Variants in TAS2R1 observed in about 807,000 individuals in gnomAD.
The protein encoded by TAS2R1 is taste 2 receptor member 1, also known as taste receptor type 2 member 1.
For missense variants in TAS2R1, 370 were observed against 353.4 expected (o/e 1.05, Z -0.38); for synonymous variants, 141 against 134.2 (o/e 1.05, Z -0.35).
intron 1 of TAS2R1, among the ~76,000 whole-genome samples, chr5:9,694,334 A>T (rs534662372): frequency 2.0e-5 from 3 of 152,234 alleles, no homozygotes; most frequent in Non-Finnish European, 4.4e-5. Flanking sequence ...CGTAGTTACA[A>T]ATCAAACAAG....
At chr5:9,845,067 T>C in the TAS2R1 span, among the ~76,000 whole-genome samples, 1 of 152,184 alleles carries the variant, frequency 6.6e-6, no homozygotes, top group Non-Finnish European at 1.5e-5. Context: ...AATTCCTACA[T>C]TGAAGCCCTA....
the TAS2R1 span, among the ~76,000 whole-genome samples, chr5:9,838,269 C>A: frequency 6.6e-6 from 1 of 152,188 alleles, no homozygotes. Context: ...CCCGTCTCTG[C>A]ACCTCTAGTC....
chr5:9,810,991 C>T, the TAS2R1 span, among the ~76,000 whole-genome samples: 585 of 152,278 alleles, frequency 3.8e-3, 6 homozygotes, highest in African/African-American at 0.013. Context: ...CATGACCTCA[C>T]GTGGATGTTC....
At chr5:9,756,518 T>A in the TAS2R1 span, among the ~76,000 whole-genome samples, 6 of 152,212 alleles carry the variant, frequency 3.9e-5, no homozygotes, top group Admixed American at 2.0e-4. Context: ...AGGTTAAGCA[T>A]CTCTTCTAAT....
chr5:9,835,015 C>A, the TAS2R1 span, among the ~76,000 whole-genome samples: 1 of 152,176 alleles, frequency 6.6e-6, no homozygotes, highest in African/African-American at 2.4e-5. Flanking sequence ...TGCCCAGCAA[C>A]AGGTTAGAAA....
the TAS2R1 span, among the ~76,000 whole-genome samples, chr5:9,821,613 C>A: frequency 6.6e-6 from 1 of 152,106 alleles, no homozygotes; most frequent in African/African-American, 2.4e-5. Context: ...CAAAGAGATG[C>A]AAGATGCTAT....
chr5:9,746,430 G>T, the TAS2R1 span, among the ~76,000 whole-genome samples: 1 of 152,122 alleles, frequency 6.6e-6, no homozygotes, highest in African/African-American at 2.4e-5. Context: ...ATACCCAAAG[G>T]ATTATAAATC....
chr5:9,650,541 C>A (rs991509503), intron 2 of TAS2R1, among the ~76,000 whole-genome samples: 1 of 152,152 alleles, frequency 6.6e-6, no homozygotes, highest in Non-Finnish European at 1.5e-5. Flanking sequence ...ACACAGCACA[C>A]CAAGGCCAGG....
the TAS2R1 span, among the ~76,000 whole-genome samples, chr5:9,810,994 G>T: frequency 6.6e-6 from 1 of 152,100 alleles, no homozygotes; most frequent in Non-Finnish European, 1.5e-5. Context: ...GACCTCACGT[G>T]GATGTTCCTT....
chr5:9,780,691 GCGCGCGCGCGCGCA>G, the TAS2R1 span, among the ~76,000 whole-genome samples: 1 of 146,670 alleles, frequency 6.8e-6, no homozygotes, highest in Non-Finnish European at 1.5e-5. Flanking sequence ...GTGTGTGTGT[GCGCGCGCGCGCGCA>G]TGCACGCACA....
chr5:9,643,069 A>T (rs1042202580), intron 2 of TAS2R1, among the ~76,000 whole-genome samples: 5 of 147,378 alleles, frequency 3.4e-5, no homozygotes, highest in Non-Finnish European at 7.5e-5. Context: ...TCCCTCCCAT[A>T]CCCCAGCACA....
chr5:9,750,514 C>T, the TAS2R1 span, among the ~76,000 whole-genome samples: 17 of 152,106 alleles, frequency 1.1e-4, no homozygotes, highest in African/African-American at 4.1e-4. Flanking sequence ...AAGTTTAATC[C>T]TCTCAATTAC....
the TAS2R1 span, among the ~76,000 whole-genome samples, chr5:9,813,021 C>T: frequency 6.6e-6 from 1 of 152,070 alleles, no homozygotes; most frequent in African/African-American, 2.4e-5. Context: ...AATCCTAACC[C>T]CTGTTGAGGA....
chr5:9,835,685 G>C, the TAS2R1 span, among the ~76,000 whole-genome samples: 1 of 152,238 alleles, frequency 6.6e-6, no homozygotes, highest in Middle Eastern at 3.4e-3. Flanking sequence ...TGACAGTCAT[G>C]TCCTGCAAAG....
the TAS2R1 span, among the ~76,000 whole-genome samples, chr5:9,723,705 C>T: frequency 1.3e-5 from 2 of 152,244 alleles, no homozygotes; most frequent in East Asian, 3.9e-4. Context: ...CCCTCGCAGG[C>T]TCTCAGCTTT....
chr5:9,642,937 C>A (rs935546642), intron 2 of TAS2R1, among the ~76,000 whole-genome samples: 1 of 151,216 alleles, frequency 6.6e-6, no homozygotes, highest in Non-Finnish European at 1.5e-5. Context: ...CTTGCTTCTT[C>A]CCTCCCTCCT....
intron 1 of TAS2R1, among the ~76,000 whole-genome samples, chr5:9,691,458 C>T (rs115213318): frequency 1.8e-4 from 28 of 152,374 alleles, no homozygotes; most frequent in South Asian, 1.0e-3. Flanking sequence ...AGCCACAGGA[C>T]GCAGACACAG....
the TAS2R1 span, among the ~76,000 whole-genome samples, chr5:9,811,386 T>A: frequency 4.7e-3 from 715 of 152,230 alleles, 4 homozygotes; most frequent in African/African-American, 0.016. Flanking sequence ...TATTTTAAAA[T>A]CCCCATACCC....
chr5:9,784,185 ATATC>A, the TAS2R1 span, among the ~76,000 whole-genome samples: 1 of 152,204 alleles, frequency 6.6e-6, no homozygotes, highest in Non-Finnish European at 1.5e-5. Context: ...TTGATTTGGA[ATATC>A]TATCTAACCA....
Sources: allele counts gnomAD v4.1 joint callset (sites outside exome capture counted in the v4.1 genomes callset), GRCh38; gene constraint gnomAD v4.1.1; transcripts MANE v1.5; gene names NCBI Gene and HGNC (gene_info 2026-07-23, HGNC 2026-07-21).